Variants in CA10 observed in about 807,000 individuals in gnomAD.
The protein encoded by CA10 is carbonic anhydrase-related protein 10.
In CA10, 14 loss-of-function variants were observed where a neutral mutation model predicts 44.2. That is an observed-to-expected ratio of 0.32 (90% CI 0.21 to 0.50). The LOEUF is 0.50. Ranked by LOEUF, CA10 falls within the 20% of genes least tolerant of loss-of-function variation. The pLI, the probability that CA10 is intolerant of heterozygous loss-of-function variation, is 0.99. For missense variants in CA10, 350 were observed against 409.7 expected (o/e 0.85, Z 1.26); for synonymous variants, 159 against 141.6 (o/e 1.12, Z -0.87).
intron 4 of CA10, among the ~76,000 whole-genome samples, chr17:51,677,673 G>C (rs1914674640): frequency 6.6e-6 from 1 of 152,170 alleles, no homozygotes. Flanking sequence ...AGTAGAGAGA[G>C]AGAGAGAACT....
chr17:51,633,782 G>A (rs1912703664), intron 7 of CA10, 132 bp from the exon 8 acceptor site: 2 of 928,202 alleles, frequency 2.2e-6, no homozygotes, highest in African/African-American at 1.7e-5. Flanking sequence ...AAGCCCCACA[G>A]AGTCCCTTTT....
chr17:51,952,432 A>C (rs1034669292), intron 2 of CA10, among the ~76,000 whole-genome samples: 1 of 152,124 alleles, frequency 6.6e-6, no homozygotes. Flanking sequence ...GCTCATGCTC[A>C]GCTATTTGAG....
intron 6 of CA10, among the ~76,000 whole-genome samples, chr17:51,643,131 A>T (rs1411064449): frequency 6.6e-6 from 1 of 152,170 alleles, no homozygotes; most frequent in Non-Finnish European, 1.5e-5. Context: ...GCCTCTTTGC[A>T]CTTCATTGGT....
chr17:51,962,904 T>C (rs1199843696), intron 2 of CA10, among the ~76,000 whole-genome samples: 1 of 152,042 alleles, frequency 6.6e-6, no homozygotes, highest in Non-Finnish European at 1.5e-5. Flanking sequence ...TCACAGTAGT[T>C]CTCCAGCAAT....
intron 1 of CA10, among the ~76,000 whole-genome samples, chr17:52,073,988 A>G (rs553380611): frequency 6.6e-6 from 1 of 152,336 alleles, no homozygotes; most frequent in African/African-American, 2.4e-5. Flanking sequence ...AAATTCCCCA[A>G]GTGGGTAGAC....
chr17:51,789,151 AACT>A (rs1906410858), intron 3 of CA10, among the ~76,000 whole-genome samples: 1 of 151,922 alleles, frequency 6.6e-6, no homozygotes, highest in African/African-American at 2.4e-5. Context: ...AGTAGCTGGG[AACT>A]ACAAGCGTGC....
chr17:52,145,492 C>G (rs1033381109), intron 1 of CA10, among the ~76,000 whole-genome samples: 14 of 152,182 alleles, frequency 9.2e-5, no homozygotes, highest in Admixed American at 1.3e-4. Context: ...GTCCTAACTT[C>G]CATCCTAGTA....
At chr17:51,855,613 G>T (rs141847580) in intron 3 of CA10, among the ~76,000 whole-genome samples, 21 of 152,176 alleles carry the variant, frequency 1.4e-4, no homozygotes, top group African/African-American at 4.8e-4. Context: ...AAAATGAAAA[G>T]CTACACACAG....
At position 51,747,705 on chromosome 17, in the gene CA10, G is replaced by A; in HGVS notation, c.393C>T (p.Ile131=). 1 of 1,614,172 alleles carries A rather than the reference G, an allele frequency of 6.2e-7. No homozygotes were observed. ...TGTCCTCACTCCCAAAGTGTAGTCG[G>A]ATCTCCTCCAGCCGGTGGCTGTATG... The part of the protein sequence containing the change: ...PMTYSHRLEE[I]RLHFGSEDSQ... The change falls in exon 4 of 9, where the codon ATC becomes ATT. Residue 131 remains isoleucine, a synonymous_variant. Coordinates refer to ENST00000451037, the MANE Select transcript of CA10 (RefSeq NM_020178.5).
At chr17:51,838,688 T>C (rs1978296099) in intron 3 of CA10, among the ~76,000 whole-genome samples, 1 of 152,250 alleles carries the variant, frequency 6.6e-6, no homozygotes, top group Non-Finnish European at 1.5e-5. Flanking sequence ...GCAAGAGCCC[T>C]TCCCCTTTAC....
At chr17:51,995,626 A>G (rs1985207416) in intron 2 of CA10, among the ~76,000 whole-genome samples, 1 of 152,108 alleles carries the variant, frequency 6.6e-6, no homozygotes, top group Admixed American at 6.6e-5. Context: ...GTAAACAGAG[A>G]AAAGTATAGC....
intron 2 of CA10, among the ~76,000 whole-genome samples, chr17:51,996,097 T>C (rs1310974101): frequency 3.9e-5 from 6 of 152,048 alleles, no homozygotes; most frequent in Admixed American, 1.3e-4. Context: ...GGTTCAGTAA[T>C]AAATAAAGCA....
chr17:51,635,855 C>G lies in CA10; in HGVS notation c.789G>C (p.Gln263His). ...MNKPVYITRM[Q>H]MHSLRLLSQN... ...GCTAAATGACCAGAGAGAAACTCAC[C>G]TGCATCCTGGTTATATAGACAGGTT... The change falls in exon 7 of 9, where the codon CAG becomes CAC. Residue 263 changes from glutamine to histidine, a missense_variant and splice_region_variant. Gln to His is a conservative substitution (Grantham distance 24, BLOSUM62 0). Coordinates refer to ENST00000451037, the MANE Select transcript of CA10 (RefSeq NM_020178.5). The G allele has an allele frequency of 1.3e-6, 2 of 1,569,314 alleles. No individual in the cohort carries two copies. Among genetic ancestry groups the G allele is most frequent in the Non-Finnish European group, 1.7e-6 (2 of 1,155,978 alleles).
At chr17:52,085,830 C>T (rs1666600543) in intron 1 of CA10, among the ~76,000 whole-genome samples, 1 of 152,132 alleles carries the variant, frequency 6.6e-6, no homozygotes, top group Admixed American at 6.5e-5. Flanking sequence ...TGATGTTTGC[C>T]ATGTGTTCAC....
intron 3 of CA10, among the ~76,000 whole-genome samples, chr17:51,851,819 A>C (rs932521603): frequency 1.3e-5 from 2 of 152,228 alleles, no homozygotes; most frequent in African/African-American, 2.4e-5. Flanking sequence ...CTCCTGCTTC[A>C]AACATTGGGA....
At chr17:52,115,032 T>G (rs1027959930) in intron 1 of CA10, among the ~76,000 whole-genome samples, 3 of 152,312 alleles carry the variant, frequency 2.0e-5, no homozygotes, top group African/African-American at 4.8e-5. Context: ...GATGTTTTTG[T>G]GCAGATAAGG....
intron 2 of CA10, among the ~76,000 whole-genome samples, chr17:52,031,653 T>C (rs1235766434): frequency 1.3e-5 from 2 of 152,208 alleles, no homozygotes; most frequent in East Asian, 3.9e-4. Flanking sequence ...CAAAATATTT[T>C]TTAAAAATAT....
intron 3 of CA10, among the ~76,000 whole-genome samples, chr17:51,783,683 G>GTA (rs1220630663): frequency 6.6e-6 from 1 of 152,138 alleles, no homozygotes; most frequent in Non-Finnish European, 1.5e-5. Context: ...TGAGGTGAAG[G>GTA]TCTGGTTGGT....
chr17:51,807,447 A>G (rs1598054664), intron 3 of CA10, among the ~76,000 whole-genome samples: 1 of 152,196 alleles, frequency 6.6e-6, no homozygotes, highest in East Asian at 1.9e-4. Context: ...CACAACTAGG[A>G]AATGGCAGAA....
Sources: gnomAD v4.1 joint callset for allele counts (sites outside exome capture counted in the v4.1 genomes callset) on GRCh38, gnomAD v4.1.1 for gene constraint, MANE v1.5 for transcripts, NCBI Gene and HGNC (gene_info 2026-07-23, HGNC 2026-07-21) for gene names.